Variants in OTULIN observed in about 807,000 individuals in gnomAD.
OTULIN encodes the protein OTU deubiquitinase with linear linkage specificity.
OTULIN carries 15 observed loss-of-function variants against 39.6 expected under a neutral mutation model. That is an observed-to-expected ratio of 0.38 (90% CI 0.25 to 0.58). The LOEUF (loss-of-function observed/expected upper bound fraction) is 0.58. OTULIN is among the 20% of genes least tolerant of loss of function. The probability of loss-of-function intolerance (pLI) is 0.66; values close to 1 mark genes in which losing one functional copy is unlikely to be tolerated. For missense variants in OTULIN, 319 were observed against 445.9 expected (o/e 0.72, Z 2.56); for synonymous variants, 156 against 170.3 (o/e 0.92, Z 0.65).
intron 1 of OTULIN, among the ~76,000 whole-genome samples, chr5:14,669,333 C>G (rs1735926647): frequency 6.6e-6 from 1 of 151,950 alleles, no homozygotes; most frequent in Non-Finnish European, 1.5e-5. Flanking sequence ...CCGTTGCACT[C>G]CAGCCTATGC....
chr5:14,703,842 G>A (rs1417070037), downstream of OTULIN, among the ~76,000 whole-genome samples: 2 of 152,204 alleles, frequency 1.3e-5, no homozygotes, highest in Non-Finnish European at 2.9e-5. Flanking sequence ...AAGCACAGTG[G>A]AGGTAGGACT....
intron 2 of OTULIN, among the ~76,000 whole-genome samples, chr5:14,676,163 G>A (rs1026635253): frequency 6.6e-6 from 1 of 152,172 alleles, no homozygotes; most frequent in Admixed American, 6.5e-5. Context: ...TCTTGTCTTT[G>A]TCACCCATGT....
chr5:14,713,454 G>T, the OTULIN span: 2 of 1,542,870 alleles, frequency 1.3e-6, no homozygotes, highest in South Asian at 2.3e-5. This position sits in a 1 kb window ranked among gnomAD's most constrained non-coding sequence, Gnocchi z 4.4. Flanking sequence ...CGTGCCTGGG[G>T]ATTTCCCCTG....
rs534822150 is a variant in OTULIN at position 14,664,928 on chromosome 5, G to A, written c.103G>A (p.Ala35Thr). 1.7e-6 allele frequency: 2 copies of A among 1,159,892 alleles called. No individual in the cohort carries two copies. Among genetic ancestry groups the A allele is most frequent in the Non-Finnish European group, 2.1e-6 (2 of 942,436 alleles). The allele number at this position is 1,159,892 out of a possible 1,614,324, so 71.9% of individuals were successfully genotyped here. A position where few individuals can be genotyped will look rare whatever the true frequency, so the allele number is the denominator to read the frequency against. Residue 35 changes from alanine (A) to threonine (T), a missense_variant, in exon 1 of 7, where the codon GCG (alanine) becomes ACG (threonine). Around this residue, in one of 4 missense-constraint regions of OTULIN, gnomAD observed 132 missense variants for 143.7 expected, o/e 0.92. Coordinates refer to ENST00000284274, the MANE Select transcript of OTULIN (RefSeq NM_138348.6). ...GGCCACGGCGCGGGACGGCGGGAAGGCGGCGGCCAGCGGGCAGCCGCGGCC... is the reference window on the plus strand; with the variant it reads ...GGCCACGGCGCGGGACGGCGGGAAGACGGCGGCCAGCGGGCAGCCGCGGCC... Reference protein sequence around the residue: ...AAATARDGGKAAASGQPRPEM... With the variant: ...AAATARDGGKTAASGQPRPEM...
At chr5:14,702,056 C>T (rs1305431164), downstream of OTULIN, among the ~76,000 whole-genome samples, 1 of 152,144 alleles carries the variant, frequency 6.6e-6, no homozygotes, top group African/African-American at 2.4e-5. Flanking sequence ...AGCATCCAAG[C>T]CCAAGGTGAG....
rs567435368 is a variant in OTULIN at position 14,680,742 on chromosome 5, A to G, written c.325-722A>G. Reference sequence around the variant, plus strand: ...TTTCATTTGCTTGTTTCACTTCCAGACTGAGCAAGAGTGACACTTCACTTA... The same window carrying G: ...TTTCATTTGCTTGTTTCACTTCCAGGCTGAGCAAGAGTGACACTTCACTTA... On this transcript the variant is annotated intron_variant, in intron 3 of 6. Coordinates refer to ENST00000284274, the MANE Select transcript of OTULIN (RefSeq NM_138348.6). 2.4e-4 allele frequency among the ~76,000 whole-genome samples: 37 copies of G among 152,298 alleles called. No homozygotes were observed. The South Asian group carries it at 7.5e-3, about 31-fold the overall frequency.
chr5:14,666,996 C>G (rs147742061), intron 1 of OTULIN, among the ~76,000 whole-genome samples: 3 of 152,262 alleles, frequency 2.0e-5, no homozygotes, highest in Non-Finnish European at 2.9e-5. Flanking sequence ...CATTTTTAGT[C>G]TGTGTTTTTT....
At chr5:14,681,016 C>T (rs754412054) in intron 3 of OTULIN, among the ~76,000 whole-genome samples, 27 of 152,118 alleles carry the variant, frequency 1.8e-4, no homozygotes, top group South Asian at 6.2e-4. Context: ...GCCGAGATTG[C>T]GCCACTGCAC....
chr5:14,704,893 A>G, the OTULIN span: 1 of 152,246 alleles, frequency 6.6e-6, no homozygotes, highest in Admixed American at 6.5e-5. Context: ...ATAAACCCTG[A>G]AACAAAGCAT....
chr5:14,674,169 G>A (rs545171864), intron 2 of OTULIN: 8 of 153,900 alleles, frequency 5.2e-5, no homozygotes, highest in Admixed American at 1.3e-4. Context: ...GAGTCTCATC[G>A]TTTTGTGATT....
chr5:14,667,506 G>T (rs1037304465), intron 1 of OTULIN, among the ~76,000 whole-genome samples: 2 of 151,984 alleles, frequency 1.3e-5, no homozygotes, highest in African/African-American at 4.8e-5. Context: ...CTAAGTAGCT[G>T]GGGCAACAGG....
intron 2 of OTULIN, among the ~76,000 whole-genome samples, chr5:14,675,224 T>C (rs2126818317): frequency 6.6e-6 from 1 of 152,364 alleles, no homozygotes; most frequent in Non-Finnish European, 1.5e-5. Context: ...TCCATAGCTT[T>C]TTCATAAAAC....
At chr5:14,713,495 T>C in the OTULIN span, 46 of 1,610,892 alleles carry the variant, frequency 2.9e-5, no homozygotes, top group Non-Finnish European at 3.8e-5. This position sits in a 1 kb window ranked among gnomAD's most constrained non-coding sequence, Gnocchi z 4.4. Flanking sequence ...CTGGACACAG[T>C]ATTGAAGTGG....
the OTULIN span, chr5:14,711,011 G>GT: frequency 4.7e-6 from 3 of 637,608 alleles, no homozygotes; most frequent in African/African-American, 1.8e-5. Flanking sequence ...CATTCACTAG[G>GT]TCCCCCCGTC....
chr5:14,665,459 A>G (rs1346310625), intron 1 of OTULIN, among the ~76,000 whole-genome samples: 1 of 152,156 alleles, frequency 6.6e-6, no homozygotes, highest in Non-Finnish European at 1.5e-5. Context: ...CTGACCCTTT[A>G]ACGGCCTGAC....
intron 4 of OTULIN, among the ~76,000 whole-genome samples, chr5:14,684,108 T>A (rs757429751): frequency 6.6e-6 from 1 of 152,258 alleles, no homozygotes; most frequent in Non-Finnish European, 1.5e-5. Flanking sequence ...TATATTTTTC[T>A]GGGAGCATAA....
rs1368759568 is a variant in OTULIN at position 14,696,903 on chromosome 5, T to G, written c.*3855T>G. On this transcript the variant is annotated 3_prime_UTR_variant, in exon 7 of 7. Transcript: ENST00000284274. Reference sequence around the variant, plus strand: ...GTGAGGAAAGACATGGGCAACTGATTATTAATGTTTTTGTAATTCAGTTTA... The same window carrying G: ...GTGAGGAAAGACATGGGCAACTGATGATTAATGTTTTTGTAATTCAGTTTA... 1 of 152,214 alleles carries G rather than the reference T, an allele frequency of 6.6e-6. No homozygotes were observed. Among genetic ancestry groups the G allele is most frequent in the Non-Finnish European group, 1.5e-5 (1 of 68,042 alleles). 9.4% of individuals were successfully genotyped at this position (152,214 alleles called of 1,614,324 possible).
chr5:14,681,724 C>T (rs770971581), intron 4 of OTULIN, 117 bp downstream of exon 4: 145 of 1,206,520 alleles, frequency 1.2e-4, no homozygotes, highest in South Asian at 2.6e-4. Flanking sequence ...TCAGCATGTG[C>T]GTTTATTCAG....
chr5:14,678,113 A>G (rs1392286082), intron 2 of OTULIN, among the ~76,000 whole-genome samples: 1 of 152,190 alleles, frequency 6.6e-6, no homozygotes, highest in Non-Finnish European at 1.5e-5. Flanking sequence ...AAGAAGAAAA[A>G]CCAAATGGTA....
Sources: allele counts gnomAD v4.1 joint callset (sites outside exome capture counted in the v4.1 genomes callset), GRCh38; gene constraint gnomAD v4.1.1; regional missense constraint gnomAD v4.1.1; non-coding constraint Gnocchi (gnomAD v3.1); transcripts MANE v1.5; gene names NCBI Gene and HGNC (gene_info 2026-07-23, HGNC 2026-07-21).